CMIP: variants seen among roughly 807,000 people sequenced by gnomAD.
CMIP encodes C-Maf-inducing protein.
A neutral mutation model predicts 97.3 loss-of-function variants in CMIP; 13 were observed. The ratio of observed to expected loss-of-function variants is 0.13; its 90% confidence interval spans 0.09 to 0.21. The LOEUF is 0.21. Among genes scored for constraint, CMIP ranks in the 10% least tolerant of loss-of-function variants. The pLI, the probability that CMIP is intolerant of heterozygous loss-of-function variation, is 1.00. For synonymous variants in CMIP, 538 were observed against 436.3 expected (o/e 1.23, Z -2.91); for missense variants, 847 against 1,024.9 (o/e 0.83, Z 2.37).
intron 1 of CMIP, among the ~76,000 whole-genome samples, chr16:81,535,388 C>G (rs1326626836): frequency 1.3e-5 from 2 of 151,926 alleles, no homozygotes; most frequent in East Asian, 3.9e-4. Context: ...TGTATTTAAC[C>G]TTCTCGTGGG....
intron 1 of CMIP, among the ~76,000 whole-genome samples, chr16:81,585,500 C>T (rs1169655150): frequency 2.0e-5 from 3 of 152,194 alleles, no homozygotes; most frequent in Admixed American, 2.0e-4. Context: ...CAGGCCATGA[C>T]AGCCGTCTGA....
intron 9 of CMIP, among the ~76,000 whole-genome samples, chr16:81,677,759 G>A (rs903781034): frequency 2.6e-5 from 4 of 152,198 alleles, no homozygotes; most frequent in African/African-American, 9.7e-5. Flanking sequence ...GCAGACAGAA[G>A]GGCAGATACT....
chr16:81,588,319 T>C (rs1055816119), intron 1 of CMIP, among the ~76,000 whole-genome samples: 1 of 152,214 alleles, frequency 6.6e-6, no homozygotes, highest in Non-Finnish European at 1.5e-5. Flanking sequence ...CTCTCTCTTT[T>C]TCCCCAGTCC....
At chr16:81,647,589 C>A (rs1348718141) in intron 3 of CMIP, among the ~76,000 whole-genome samples, 2 of 152,130 alleles carry the variant, frequency 1.3e-5, no homozygotes, top group African/African-American at 4.8e-5. Flanking sequence ...GCTAGACAAA[C>A]CACCAGGCCA....
intron 1 of CMIP, among the ~76,000 whole-genome samples, chr16:81,477,853 AC>A (rs1463352788): frequency 6.6e-6 from 1 of 152,190 alleles, no homozygotes; most frequent in African/African-American, 2.4e-5. Flanking sequence ...ATGGGATCTT[AC>A]CATTTCGTTT....
chr16:81,601,982 G>A (rs1282561747), intron 1 of CMIP, among the ~76,000 whole-genome samples: 2 of 152,166 alleles, frequency 1.3e-5, no homozygotes, highest in Non-Finnish European at 2.9e-5. Flanking sequence ...AACGTAAAAC[G>A]TGCTCTTGCC....
At chr16:81,468,373 G>C (rs1338866285) in intron 1 of CMIP, among the ~76,000 whole-genome samples, 2 of 152,256 alleles carry the variant, frequency 1.3e-5, no homozygotes, top group African/African-American at 4.8e-5. Context: ...TGGAATTCCA[G>C]CTCTGCGGCC....
chr16:81,566,012 A>T (rs1370479724), intron 1 of CMIP, among the ~76,000 whole-genome samples: 2 of 152,184 alleles, frequency 1.3e-5, no homozygotes, highest in African/African-American at 4.8e-5. Flanking sequence ...GAAACTCGGG[A>T]GGCCGAGGCA....
chr16:81,505,817 C>G (rs1034517232), intron 1 of CMIP, among the ~76,000 whole-genome samples: 3 of 152,092 alleles, frequency 2.0e-5, no homozygotes, highest in Non-Finnish European at 4.4e-5. Flanking sequence ...ATGGCAAAAC[C>G]CTGTCTCTAC....
At chr16:81,676,895 C>G (rs1028115123) in intron 9 of CMIP, among the ~76,000 whole-genome samples, 1 of 152,152 alleles carries the variant, frequency 6.6e-6, no homozygotes, top group African/African-American at 2.4e-5. Context: ...TTTAGAGGCA[C>G]AGGACCCATG....
At chr16:81,598,182 C>T (rs2091595008) in intron 1 of CMIP, among the ~76,000 whole-genome samples, 1 of 151,992 alleles carries the variant, frequency 6.6e-6, no homozygotes, top group Admixed American at 6.6e-5. Flanking sequence ...TGGAGGGTAT[C>T]GCCTACAACA....
intron 1 of CMIP, among the ~76,000 whole-genome samples, chr16:81,522,818 C>T (rs760285897): frequency 7.1e-4 from 108 of 152,192 alleles, no homozygotes; most frequent in Non-Finnish European, 1.3e-3. Flanking sequence ...TTACTACCCA[C>T]CTCCAGGTAC....
chr16:81,495,783 T>C (rs1374506639), intron 1 of CMIP, among the ~76,000 whole-genome samples: 1 of 152,226 alleles, frequency 6.6e-6, no homozygotes, highest in East Asian at 1.9e-4. Context: ...CCATGGCCAC[T>C]CACTCTCCTG....
At chr16:81,646,836 G>A (rs1048896950) in intron 3 of CMIP, among the ~76,000 whole-genome samples, 6 of 152,280 alleles carry the variant, frequency 3.9e-5, no homozygotes, top group Non-Finnish European at 8.8e-5. Flanking sequence ...ATACTGTTTG[G>A]TTGAATGGCT....
intron 1 of CMIP, among the ~76,000 whole-genome samples, chr16:81,528,072 A>G (rs976289173): frequency 5.9e-5 from 9 of 152,186 alleles, no homozygotes; most frequent in Non-Finnish European, 1.2e-4. Context: ...GTTGCTTCAT[A>G]TCTATGCCAA....
intron 3 of CMIP, among the ~76,000 whole-genome samples, chr16:81,649,284 C>T (rs1368800177): frequency 1.3e-5 from 2 of 152,272 alleles, no homozygotes; most frequent in Non-Finnish European, 2.9e-5. Flanking sequence ...TTGGGCCCTC[C>T]CGGGAAAGCT....
At chr16:81,530,374 C>T (rs780637703) in intron 1 of CMIP, among the ~76,000 whole-genome samples, 3 of 152,110 alleles carry the variant, frequency 2.0e-5, no homozygotes, top group Non-Finnish European at 4.4e-5. Flanking sequence ...CTGTTCCTCC[C>T]GTCTCGCCTC....
chr16:81,542,910 G>A (rs1234658993), intron 1 of CMIP, among the ~76,000 whole-genome samples: 4 of 152,214 alleles, frequency 2.6e-5, no homozygotes, highest in Non-Finnish European at 5.9e-5. Flanking sequence ...TCCCTAGCAC[G>A]GAAGAACAGA....
At position 81,680,475 on chromosome 16, in the gene CMIP, C is replaced by T. The variant is rs184834857; in HGVS notation, c.1388+1847C>T. Among the ~76,000 whole-genome samples, 350 of 152,320 alleles carry T rather than the reference C, an allele frequency of 2.3e-3. 1 individual carries two copies. Among genetic ancestry groups the T allele is most frequent in the African/African-American group, 7.9e-3 (330 of 41,584 alleles). On this transcript the variant is annotated intron_variant, in intron 10 of 20. Transcript: ENST00000537098. ...GGTTTGAAGGAGATCGTGGAGGCAG[C>T]GTCCCCACATAGCCTCCTCTGCCCT... is the stretch of plus-strand genomic sequence containing the variant.
Sources: allele counts gnomAD v4.1 joint callset (sites outside exome capture counted in the v4.1 genomes callset), GRCh38; gene constraint gnomAD v4.1.1; transcripts MANE v1.5; gene names NCBI Gene and HGNC (gene_info 2026-07-23, HGNC 2026-07-21).